PCDHGA4: variants seen among roughly 807,000 people sequenced by gnomAD.
PCDHGA4 encodes protocadherin gamma subfamily A, 4, also known as protocadherin gamma-A4.
A neutral mutation model predicts 54.6 loss-of-function variants in PCDHGA4; 38 were observed. The observed-to-expected ratio is 0.70, with a 90% CI of 0.54 to 0.91. PCDHGA4 has a LOEUF of 0.91. Among genes scored for constraint, PCDHGA4 ranks in the 40% least tolerant of loss-of-function variants. The probability of loss-of-function intolerance (pLI) is 0.00; values close to 1 mark genes in which losing one functional copy is unlikely to be tolerated. For missense variants in PCDHGA4, 1,298 were observed against 1,220.9 expected, an observed-to-expected ratio of 1.06 and a Z score of -0.94; for synonymous variants, 511 against 512.9, an observed-to-expected ratio of 1.00 and a Z score of 0.05.
In PCDHGA4 at chr5:141,403,112, C is replaced by CT. The variant is rs765071462; in HGVS notation, c.2514+45492dup. The CT allele has an allele frequency of 3.1e-6, 5 of 1,614,074 alleles. No individual in the cohort carries two copies. In the South Asian group the frequency reaches 5.5e-5, roughly 18 times the overall value. On this transcript the variant is annotated intron_variant, in intron 1 of 3. Transcript: ENST00000571252. Reference sequence around the variant, plus strand: ...GGGCAACATCTCCAAGGACCTGGCTCTGGAGCCCCGGGAGCTGGCGGAGCG... The same window carrying CT: ...GGGCAACATCTCCAAGGACCTGGCTCTTGGAGCCCCGGGAGCTGGCGGAGCG...
At chr5:141,395,276 A>G in intron 1 of PCDHGA4, 1 of 1,543,522 alleles carries the variant, frequency 6.5e-7, no homozygotes. Flanking sequence ...TTTCCAGATG[A>G]ATTTTATTTG....
At chr5:141,423,265 G>C in intron 1 of PCDHGA4, 1 of 1,613,666 alleles carries the variant, frequency 6.2e-7, no homozygotes, top group Non-Finnish European at 8.5e-7. Flanking sequence ...CGGCAGCCTC[G>C]AGTCTCTGGC....
At chr5:141,428,136 G>A in intron 1 of PCDHGA4, 2 of 1,600,778 alleles carry the variant, frequency 1.2e-6, no homozygotes, top group South Asian at 1.1e-5. Flanking sequence ...TTTCAGCCTG[G>A]GGCTGCACAC....
rs374200575 is a variant in PCDHGA4 at position 141,432,105 on chromosome 5, C to G, written c.2515-62702C>G. On this transcript the variant is annotated intron_variant, in intron 1 of 3. Transcript: ENST00000571252. This position sits in a 1 kb window ranked among gnomAD's most constrained non-coding sequence, Gnocchi z 6.0. The stretch of plus-strand genomic sequence containing the variant: ...AACGTGGCAGACACCAACGACAACC[C>G]GCCGGTCTTCCCTCAGGCCTCCTAT... 1.2e-6 allele frequency: 2 copies of G among 1,614,172 alleles called. No individual in the cohort carries two copies. Among genetic ancestry groups the G allele is most frequent in the Non-Finnish European group, 1.7e-6 (2 of 1,180,034 alleles).
chr5:141,357,466 G>C lies in PCDHGA4; in HGVS notation c.2359G>C (p.Glu787Gln), dbSNP rs1760618081. Residue 787 changes from glutamate (E) to glutamine (Q), a missense_variant, in exon 1 of 4, where the codon GAG becomes CAG. Physicochemically the swap from Glu to Gln is conservative, Grantham distance 29 (BLOSUM62 2). Coordinates refer to ENST00000571252, the MANE Select transcript of PCDHGA4 (RefSeq NM_018917.4). ...GGCTTTCCTGCAGACCTATTCCCAC[G>C]AGGTCTCCCTCACCGCGGACTCGCG... ...VRAFLQTYSH[E>Q]VSLTADSRKS... 1.9e-6 allele frequency: 3 copies of C among 1,614,062 alleles called. No homozygotes were observed. The highest frequency in any genetic ancestry group is 3.3e-5 in the Admixed American group (2 of 60,010).
Position 141,394,179 on chromosome 5 carries a change from T to C in PCDHGA4, c.2514+36558T>C. The C allele has an allele frequency of 2.5e-6, 4 of 1,613,868 alleles. No individual in the cohort carries two copies. The South Asian group carries it at 4.4e-5, about 18-fold the overall frequency. On this transcript the variant is annotated intron_variant, in intron 1 of 3. Coordinates refer to ENST00000571252, the MANE Select transcript of PCDHGA4 (RefSeq NM_018917.4). ...CAACCCTCCTACTTTCCCTCATGCC[T>C]CCTACTCAGCGTATATCCTAGAGAA...
At chr5:141,458,081 G>A (rs765008628) in intron 1 of PCDHGA4, among the ~76,000 whole-genome samples, 62 of 152,186 alleles carry the variant, frequency 4.1e-4, no homozygotes, top group East Asian at 1.9e-4. Flanking sequence ...CTATATTGCC[G>A]TAAGTTAAGA....
Position 141,476,201 on chromosome 5 carries a change from G to C in PCDHGA4, c.2515-18606G>C. ...GCTTCTGCTTGGTGCCTTGAACAAG[G>C]CTTCCACGGTCATTCACTATGAGAT... is the stretch of plus-strand genomic sequence containing the variant. On this transcript the variant is annotated intron_variant, in intron 1 of 3. Coordinates refer to ENST00000571252, the MANE Select transcript of PCDHGA4 (RefSeq NM_018917.4). This position sits in a 1 kb window ranked among gnomAD's most constrained non-coding sequence, Gnocchi z 7.6. 6.2e-7 allele frequency: 1 copy of C among 1,613,986 alleles called. No individual in the cohort carries two copies. The highest frequency in any genetic ancestry group is 8.5e-7 in the Non-Finnish European group (1 of 1,180,028).
chr5:141,402,233 AT>A (rs1490030425), intron 1 of PCDHGA4, among the ~76,000 whole-genome samples: 1 of 152,070 alleles, frequency 6.6e-6, no homozygotes, highest in Non-Finnish European at 1.5e-5. Flanking sequence ...TTTTCCAGGA[AT>A]TTTATCATCA....
chr5:141,397,438 G>A (rs1330293325), intron 1 of PCDHGA4, among the ~76,000 whole-genome samples: 5 of 152,140 alleles, frequency 3.3e-5, no homozygotes, highest in Admixed American at 2.6e-4. Context: ...CCTAATATGT[G>A]TAATATAAAA....
intron 1 of PCDHGA4, chr5:141,399,539 G>A (rs1324095299): frequency 1.2e-6 from 2 of 1,614,050 alleles, no homozygotes; most frequent in Non-Finnish European, 1.7e-6. Flanking sequence ...GCGCAAGTCT[G>A]CGCCTCGGAC....
chr5:141,480,336 G>A (rs755963190), intron 1 of PCDHGA4, among the ~76,000 whole-genome samples: 1 of 151,988 alleles, frequency 6.6e-6, no homozygotes, highest in Non-Finnish European at 1.5e-5. Flanking sequence ...AATTGCTTGA[G>A]CCTGGGAGGT....
chr5:141,383,872 C>T, intron 1 of PCDHGA4: 1 of 1,613,908 alleles, frequency 6.2e-7, no homozygotes, highest in Non-Finnish European at 8.5e-7. Flanking sequence ...TCAAGATGGT[C>T]CTGGTAGTCT....
At chr5:141,461,394 G>A (rs2099014614) in intron 1 of PCDHGA4, among the ~76,000 whole-genome samples, 1 of 152,098 alleles carries the variant, frequency 6.6e-6, no homozygotes. Flanking sequence ...GATTAGCGAT[G>A]TTGAGCATTT....
chr5:141,409,761 T>A, intron 1 of PCDHGA4: 1 of 1,612,966 alleles, frequency 6.2e-7, no homozygotes, highest in Non-Finnish European at 8.5e-7. Context: ...CAGCGCGCCT[T>A]TGATCACGAG....
At chr5:141,362,994 C>A (rs1023697492) in intron 1 of PCDHGA4, among the ~76,000 whole-genome samples, 1 of 152,232 alleles carries the variant, frequency 6.6e-6, no homozygotes, top group East Asian at 1.9e-4. Flanking sequence ...AATGGCATGG[C>A]TTGTTAATCA....
In PCDHGA4 at chr5:141,357,372, G is replaced by A. The variant is rs1209797012; in HGVS notation, c.2265G>A (p.Leu755=). The change falls in exon 1 of 4, where the codon CTG becomes CTA. Residue 755 remains leucine, a synonymous_variant. Transcript: ENST00000571252. The stretch of plus-strand genomic sequence containing the variant: ...TGAGACGCTGGCACAAGTCACGCCT[G>A]CTTCACGCTGAAGGCAGCAGGTTGG... ...LKLRRWHKSR[L]LHAEGSRLAG... The A allele has an allele frequency of 3.7e-6, 6 of 1,614,086 alleles. No individual in the cohort carries two copies. The Admixed American group carries it at 8.3e-5, about 22-fold the overall frequency.
intron 1 of PCDHGA4, among the ~76,000 whole-genome samples, chr5:141,363,586 A>T (rs1211336647): frequency 6.6e-6 from 1 of 152,232 alleles, no homozygotes; most frequent in Non-Finnish European, 1.5e-5. Context: ...TGCATAGTTA[A>T]CCCAACTCAA....
intron 1 of PCDHGA4, among the ~76,000 whole-genome samples, chr5:141,457,975 C>T (rs2098934043): frequency 6.6e-6 from 1 of 152,202 alleles, no homozygotes; most frequent in South Asian, 2.1e-4. Context: ...AAGGGAAACA[C>T]ACCCTTTCAG....
Sources: gnomAD v4.1 joint callset for allele counts (sites outside exome capture counted in the v4.1 genomes callset) on GRCh38, gnomAD v4.1.1 for gene constraint, Gnocchi (gnomAD v3.1) non-coding constraint, MANE v1.5 for transcripts, NCBI Gene and HGNC (gene_info 2026-07-23, HGNC 2026-07-21) for gene names.